The following CCDC150 variants were observed in gnomAD, a reference collection of about 807,000 sequenced individuals.
The protein encoded by CCDC150 is coiled-coil domain containing 150.
A neutral mutation model predicts 156.5 loss-of-function variants in CCDC150; 151 were observed. The observed-to-expected ratio is 0.97, with a 90% CI of 0.85 to 1.10. CCDC150 has a LOEUF of 1.10. Among genes scored for constraint, CCDC150 ranks in the 50% least tolerant of loss-of-function variants. The pLI is 0.00. For missense variants in CCDC150, 1,312 were observed against 1,268.1 expected, an observed-to-expected ratio of 1.03 and a Z score of -0.53; for synonymous variants, 452 against 429.4, an observed-to-expected ratio of 1.05 and a Z score of -0.65.
Position 196,695,068 on chromosome 2 carries a change from A to C in CCDC150, c.1532A>C (p.His511Pro), listed in dbSNP as rs1212985353. The change falls in exon 14 of 28, where the codon CAT becomes CCT. Residue 511 changes from histidine (H) to proline (P), a missense_variant. Physicochemically the swap from His to Pro is moderately conservative, Grantham distance 77. Coordinates refer to ENST00000389175, the MANE Select transcript of CCDC150 (RefSeq NM_001080539.2). Reference sequence around the variant, plus strand: ...AAGGTAGACATAAATACATTAACTCATAACCTGCAGACTCTTGAAGAAGAG... The same window carrying C: ...AAGGTAGACATAAATACATTAACTCCTAACCTGCAGACTCTTGAAGAAGAG... ...KNKVDINTLT[H>P]NLQTLEEENK... is the part of the protein sequence containing the mutation. 6.2e-7 allele frequency: 1 copy of C among 1,605,998 alleles called. No homozygotes were observed. Among genetic ancestry groups the C allele is most frequent in the Non-Finnish European group, 8.5e-7 (1 of 1,175,102 alleles).
intron 17 of CCDC150, among the ~76,000 whole-genome samples, chr2:196,717,717 C>G (rs1454749096): frequency 3.3e-5 from 5 of 152,092 alleles, no homozygotes; most frequent in African/African-American, 1.2e-4. Flanking sequence ...CATGGTGAAA[C>G]CCCTTCTCTA....
chr2:196,677,265 C>A, intron 12 of CCDC150, 28 bp from the exon 13 acceptor site: 1 of 1,491,408 alleles, frequency 6.7e-7, no homozygotes, highest in South Asian at 1.2e-5. Context: ...TTGACCTATT[C>A]CTTTTTTTTC....
At chr2:196,695,447 C>T (rs748517982) in intron 14 of CCDC150, among the ~76,000 whole-genome samples, 4 of 151,792 alleles carry the variant, frequency 2.6e-5, no homozygotes, top group Non-Finnish European at 5.9e-5. Context: ...TATTTTTTTT[C>T]TCATCAGACA....
chr2:196,665,568 T>G lies in CCDC150; in HGVS notation c.647T>G (p.Leu216Arg). 6.3e-7 allele frequency: 1 copy of G among 1,588,856 alleles called. No individual in the cohort carries two copies. Among genetic ancestry groups the G allele is most frequent in the Non-Finnish European group, 8.6e-7 (1 of 1,164,618 alleles). The change falls in exon 6 of 28, where the codon CTA becomes CGA. Residue 216 changes from leucine (L) to arginine (R), a missense_variant and splice_region_variant. Physicochemically the swap from Leu to Arg is moderately radical, Grantham distance 102. Coordinates refer to ENST00000389175, the MANE Select transcript of CCDC150 (RefSeq NM_001080539.2). ...KRKMNLKIQE[L>R]RRQLAQEKYL... Reference sequence around the variant, plus strand: ...CCTAACTGCAGTGTTGCTTTGTAGCTAAGGAGACAACTGGCTCAGGAGAAG... The same window carrying G: ...CCTAACTGCAGTGTTGCTTTGTAGCGAAGGAGACAACTGGCTCAGGAGAAG...
intron 15 of CCDC150, among the ~76,000 whole-genome samples, chr2:196,708,540 C>T (rs1474175389): frequency 2.6e-5 from 4 of 152,098 alleles, no homozygotes; most frequent in Non-Finnish European, 5.9e-5. Context: ...TGAATTTGAT[C>T]CTGTCATCAT....
intron 15 of CCDC150, among the ~76,000 whole-genome samples, chr2:196,710,296 C>A (rs1697012737): frequency 6.6e-6 from 1 of 152,242 alleles, no homozygotes; most frequent in Non-Finnish European, 1.5e-5. Flanking sequence ...GGGCATAGGA[C>A]CCGCCAAGCC....
intron 17 of CCDC150, among the ~76,000 whole-genome samples, chr2:196,718,056 A>C (rs1697645132): frequency 6.6e-6 from 1 of 152,206 alleles, no homozygotes; most frequent in Admixed American, 6.5e-5. Context: ...CAAGGATATG[A>C]GGTTCTAATA....
chr2:196,729,488 T>C, intron 23 of CCDC150, 101 bp downstream of exon 23: 1 of 1,073,720 alleles, frequency 9.3e-7, no homozygotes, highest in Non-Finnish European at 1.4e-6. Flanking sequence ...AGCAGCCCCA[T>C]GTATTCTCTG....
intron 2 of CCDC150, among the ~76,000 whole-genome samples, chr2:196,651,189 C>T (rs1339127840): frequency 6.6e-6 from 1 of 152,146 alleles, no homozygotes. Context: ...TCCCTGCTCC[C>T]ACTATTTATG....
In CCDC150 at chr2:196,729,224, G is replaced by C; in HGVS notation, c.2588G>C (p.Arg863Thr). The C allele has an allele frequency of 6.2e-7, 1 of 1,613,458 alleles. No individual in the cohort carries two copies. The highest frequency in any genetic ancestry group is 1.1e-5 in the South Asian group (1 of 90,994). ...AAAGCCCTTGATGAAGCTAACTTCA[G>C]ATCAGTGGAAGTGTCCCGGACCAAC... Reference protein sequence around the residue: ...LKKALDEANFRSVEVSRTNRE... With the variant: ...LKKALDEANFTSVEVSRTNRE... Residue 863 changes from arginine to threonine, a missense_variant, in exon 23 of 28, where the codon AGA (arginine) becomes ACA (threonine). Coordinates refer to ENST00000389175, the MANE Select transcript of CCDC150 (RefSeq NM_001080539.2).
At chr2:196,716,759 A>G (rs1473208638) in intron 17 of CCDC150, among the ~76,000 whole-genome samples, 1 of 151,980 alleles carries the variant, frequency 6.6e-6, no homozygotes, top group Non-Finnish European at 1.5e-5. Context: ...AGCTTATTGT[A>G]TATCAGTTAT....
chr2:196,654,597 T>G (rs1171544265), intron 2 of CCDC150, among the ~76,000 whole-genome samples: 1 of 152,168 alleles, frequency 6.6e-6, no homozygotes, highest in Non-Finnish European at 1.5e-5. Context: ...TTTAGGTACT[T>G]TTTTATACTT....
At chr2:196,664,695 G>A (rs1329003740) in intron 5 of CCDC150, among the ~76,000 whole-genome samples, 1 of 152,090 alleles carries the variant, frequency 6.6e-6, no homozygotes, top group Non-Finnish European at 1.5e-5. Context: ...TTGAGAGGAG[G>A]GGCTAGAAGT....
intron 1 of CCDC150, among the ~76,000 whole-genome samples, chr2:196,645,481 T>G (rs950218291): frequency 6.6e-6 from 1 of 152,216 alleles, no homozygotes; most frequent in African/African-American, 2.4e-5. Context: ...TAGAAATGGC[T>G]AAGGCTTACA....
intron 1 of CCDC150, among the ~76,000 whole-genome samples, chr2:196,643,719 T>C (rs1692372127): frequency 6.6e-6 from 1 of 152,208 alleles, no homozygotes; most frequent in South Asian, 2.1e-4. Context: ...GACAAGACTC[T>C]ATATTATAAC....
chr2:196,727,790 A>C (rs532687960), intron 22 of CCDC150: 4 of 152,020 alleles, frequency 2.6e-5, no homozygotes, highest in African/African-American at 9.7e-5. Flanking sequence ...AGGCAGGGGG[A>C]TCACGAGGTC....
At position 196,646,288 on chromosome 2, in the gene CCDC150, A is replaced by G. The variant is rs1208386676; in HGVS notation, c.13-53A>G. The G allele has an allele frequency of 1.9e-6, 3 of 1,543,008 alleles. No individual in the cohort carries two copies. The African/African-American group carries it at 4.1e-5, about 21-fold the overall frequency. ...TCCTGGCACAGGAATGGCAGTGACT[A>G]TTTTTGAACAATAATAGGACCTACC... On this transcript the variant is annotated intron_variant, in intron 1 of 27. Transcript: ENST00000389175.
In CCDC150 at chr2:196,732,793, A is replaced by G. The variant is rs1698592385; in HGVS notation, c.*231A>G. 5.8e-6 allele frequency: 2 copies of G among 341,916 alleles called. No individual in the cohort carries two copies. The highest frequency in any genetic ancestry group is 1.1e-5 in the Non-Finnish European group (2 of 185,170). The allele number at this position is 341,916 out of a possible 1,614,324, so 21.2% of individuals were successfully genotyped here. A position where few individuals can be genotyped will look rare whatever the true frequency, so the allele number is the denominator to read the frequency against. Reference sequence around the variant, plus strand: ...CAATAAATTTGTGTTAATTTGTTGTATGATAGGAGATGGTGTTGCATAATT... The same window carrying G: ...CAATAAATTTGTGTTAATTTGTTGTGTGATAGGAGATGGTGTTGCATAATT... On this transcript the variant is annotated 3_prime_UTR_variant, in exon 28 of 28. Transcript: ENST00000389175.
intron 1 of CCDC150, 100 bp downstream of exon 1, chr2:196,639,878 T>G (rs1026873038): frequency 9.3e-7 from 1 of 1,072,438 alleles, no homozygotes; most frequent in African/African-American, 1.6e-5. Context: ...CCTCTCCCTG[T>G]CCTGACGGAG....
Sources: gnomAD v4.1 joint callset for allele counts (sites outside exome capture counted in the v4.1 genomes callset) on GRCh38, gnomAD v4.1.1 for gene constraint, MANE v1.5 for transcripts, NCBI Gene and HGNC (gene_info 2026-07-23, HGNC 2026-07-21) for gene names.